ORMDL1: variants seen among roughly 807,000 people sequenced by gnomAD.
The protein encoded by ORMDL1 is ORMDL sphingolipid biosynthesis regulator 1, also known as ORM1-like protein 1.
In ORMDL1, 10 loss-of-function variants were observed where a neutral mutation model predicts 13.0. The observed-to-expected ratio is 0.77, with a 90% CI of 0.47 to 1.30. The LOEUF (loss-of-function observed/expected upper bound fraction) is 1.30. ORMDL1 is among the 50% of genes most tolerant of loss of function. The probability of loss-of-function intolerance (pLI) is 0.00; values close to 1 mark genes in which losing one functional copy is unlikely to be tolerated. For missense variants in ORMDL1, 171 were observed against 186.7 expected (o/e 0.92, Z 0.49); for synonymous variants, 61 against 63.9 (o/e 0.95, Z 0.22).
chr2:189,783,206 T>C (rs2047925732), intron 1 of ORMDL1, 83 bp from the exon 2 acceptor site: 1 of 152,230 alleles, frequency 6.6e-6, no homozygotes, highest in South Asian at 2.1e-4. Flanking sequence ...TAGGTGAAAA[T>C]AAGGAGTCTT....
In ORMDL1 at chr2:189,779,519, T is replaced by C. The variant is rs575202205; in HGVS notation, c.174+2903A>G. 6.4e-4 allele frequency among the ~76,000 whole-genome samples: 97 copies of C among 152,308 alleles called. 2 individuals carry two copies. The South Asian group carries it at 0.02, about 31-fold the overall frequency. On this transcript the variant is annotated intron_variant, in intron 3 of 4. Transcript: ENST00000392349. Reference sequence around the variant, plus strand: ...GATGATTTTCTTTATTGCTAGTGTATAGCCTCTATTTAGAGATGGTTGAGA... The same window carrying C: ...GATGATTTTCTTTATTGCTAGTGTACAGCCTCTATTTAGAGATGGTTGAGA...
chr2:189,778,455 TAAAACATAAAGA>T, intron 3 of ORMDL1: 1 of 455,930 alleles, frequency 2.2e-6, no homozygotes, highest in Non-Finnish European at 4.4e-6. Flanking sequence ...ATACAAAAAT[TAAAACATAAAGA>T]GATAAACTGC....
At chr2:189,764,997 T>C in the ORMDL1 span, 2 of 152,074 alleles carry the variant, frequency 1.3e-5, no homozygotes, top group African/African-American at 4.8e-5. Context: ...CATTCCCAGT[T>C]AATTTTTGTA....
intron 1 of ORMDL1, 172 bp downstream of exon 1, chr2:189,784,097 A>T (rs1466444031): frequency 6.6e-6 from 1 of 152,180 alleles, no homozygotes; most frequent in Non-Finnish European, 1.5e-5. Context: ...CAAGACAACG[A>T]GGATTTGCGT....
chr2:189,768,299 T>C (rs905244662), downstream of ORMDL1, among the ~76,000 whole-genome samples: 1 of 152,228 alleles, frequency 6.6e-6, no homozygotes, highest in Non-Finnish European at 1.5e-5. Flanking sequence ...ATCCATGTTA[T>C]TGTTTTAGGA....
At chr2:189,773,005 T>A (rs1313128523) in intron 4 of ORMDL1, among the ~76,000 whole-genome samples, 1 of 152,230 alleles carries the variant, frequency 6.6e-6, no homozygotes, top group Non-Finnish European at 1.5e-5. Context: ...CCTGTTTTCA[T>A]ATATTTGAAG....
chr2:189,767,915 C>T (rs79656989), downstream of ORMDL1, among the ~76,000 whole-genome samples: 15 of 152,314 alleles, frequency 9.8e-5, no homozygotes, highest in East Asian at 2.9e-3. Context: ...CAACATTCAA[C>T]TTGAGATAAA....
chr2:189,765,675 CAGA>C (rs2047468426), downstream of ORMDL1: 1 of 152,108 alleles, frequency 6.6e-6, no homozygotes, highest in African/African-American at 2.4e-5. Flanking sequence ...AAATTATAAT[CAGA>C]AGATTGCTTG....
downstream of ORMDL1, among the ~76,000 whole-genome samples, chr2:189,769,322 A>T (rs913882246): frequency 1.1e-4 from 16 of 151,852 alleles, no homozygotes; most frequent in African/African-American, 3.9e-4. Context: ...AGGAGGCAGA[A>T]GTTGCAGTGA....
intron 3 of ORMDL1, among the ~76,000 whole-genome samples, chr2:189,780,740 G>A (rs1425824212): frequency 1.3e-5 from 2 of 152,184 alleles, no homozygotes; most frequent in Non-Finnish European, 2.9e-5. Flanking sequence ...ACAAAAGTGA[G>A]ATGATTAGTG....
downstream of ORMDL1, among the ~76,000 whole-genome samples, chr2:189,768,584 T>C (rs1000891989): frequency 2.0e-5 from 3 of 152,214 alleles, no homozygotes; most frequent in East Asian, 3.8e-4. Flanking sequence ...ATCAATTTCA[T>C]ATGTGAAGGG....
the ORMDL1 span, chr2:189,764,414 C>G: frequency 6.6e-6 from 1 of 152,254 alleles, no homozygotes. Flanking sequence ...TCTAGGCACT[C>G]TTGGCCAGTG....
At chr2:189,772,685 ACAT>A (rs1298291871) in intron 4 of ORMDL1, among the ~76,000 whole-genome samples, 2 of 152,308 alleles carry the variant, frequency 1.3e-5, no homozygotes, top group Admixed American at 6.5e-5. Flanking sequence ...AAAGAATAAA[ACAT>A]CATATCTTAT....
At position 189,770,861 on chromosome 2, in the gene ORMDL1, C is replaced by T. The variant is rs887765225; in HGVS notation, c.*906G>A. On this transcript the variant is annotated 3_prime_UTR_variant, in exon 5 of 5. Transcript: ENST00000392349. ...CTTACTTTGGTACTATTGCTAGAGA[C>T]GTTGTTTCTGCCAGACCACAGGTTG... The T allele has an allele frequency of 2.0e-5, 3 of 152,146 alleles. No individual in the cohort carries two copies. The highest frequency in any genetic ancestry group is 7.2e-5 in the African/African-American group (3 of 41,436). 9.4% of individuals were successfully genotyped at this position (152,146 alleles called of 1,614,324 possible).
chr2:189,782,292 T>G, intron 3 of ORMDL1, 130 bp downstream of exon 3: 1 of 699,466 alleles, frequency 1.4e-6, no homozygotes, highest in South Asian at 2.0e-5. Flanking sequence ...CATCCAGAAC[T>G]CTCTTCATCT....
At chr2:189,783,710 A>T (rs1488454061) in intron 1 of ORMDL1, 1 of 152,286 alleles carries the variant, frequency 6.6e-6, no homozygotes, top group South Asian at 2.1e-4. Flanking sequence ...TACTTAGAAC[A>T]TGCCAACACT....
At chr2:189,769,090 G>A (rs1460379022), downstream of ORMDL1, among the ~76,000 whole-genome samples, 1 of 152,060 alleles carries the variant, frequency 6.6e-6, no homozygotes, top group Non-Finnish European at 1.5e-5. Flanking sequence ...AAAGATTCAA[G>A]CTAAGGTAGG....
Position 189,770,708 on chromosome 2 carries a change from T to TA in ORMDL1, c.*1058dup, listed in dbSNP as rs2047559726. The stretch of plus-strand genomic sequence containing the variant: ...ATGTGGTTGCTGTTCTGGAGACAGT[T>TA]ACCATTTTGGGCTATATATACTAAA... On this transcript the variant is annotated 3_prime_UTR_variant, in exon 5 of 5. Coordinates refer to ENST00000392349, the MANE Select transcript of ORMDL1 (RefSeq NM_016467.5). 6.6e-6 allele frequency: 1 copy of TA among 152,158 alleles called. No individual in the cohort carries two copies. Among genetic ancestry groups the TA allele is most frequent in the Admixed American group, 6.5e-5 (1 of 15,284 alleles). The allele number at this position is 152,158 out of a possible 1,614,324, so 9.4% of individuals were successfully genotyped here.
At chr2:189,765,880 CA>C (rs1171862554), downstream of ORMDL1, among the ~76,000 whole-genome samples, 2 of 3,880 alleles carry the variant, frequency 5.2e-4, no homozygotes, top group African/African-American at 5.5e-4. Flanking sequence ...GTCTGGATTG[CA>C]ATTGGTGTGA....
Sources: gnomAD v4.1 joint callset for allele counts (sites outside exome capture counted in the v4.1 genomes callset) on GRCh38, gnomAD v4.1.1 for gene constraint, MANE v1.5 for transcripts, NCBI Gene and HGNC (gene_info 2026-07-23, HGNC 2026-07-21) for gene names.